The following OPTN variants were observed in gnomAD, a reference collection of about 807,000 sequenced individuals.
OPTN encodes the protein optineurin, also known as E3-14.7K-interacting protein.
Under a neutral mutation model 70.4 loss-of-function variants are expected in OPTN, and 54 were observed. The observed-to-expected ratio is 0.77, with a 90% CI of 0.62 to 0.96. The LOEUF is 0.96. Among genes scored for constraint, OPTN ranks in the 40% least tolerant of loss-of-function variants. The pLI is 0.00. For synonymous variants in OPTN, 256 were observed against 248.5 expected, an observed-to-expected ratio of 1.03 and a Z score of -0.28; for missense variants, 624 against 673.2, an observed-to-expected ratio of 0.93 and a Z score of 0.81.
intron 12 of OPTN, among the ~76,000 whole-genome samples, chr10:13,128,502 CTTTTTTT>C (rs56147136): frequency 2.0e-3 from 66 of 33,434 alleles, no homozygotes; most frequent in African/African-American, 9.9e-3. Flanking sequence ...TCAAGCCTGC[CTTTTTTT>C]TTTTTTTTTT....
rs1833406905 is a variant in OPTN, at chr10:13,123,992, T to C, written c.883-3T>C. 1.9e-6 allele frequency: 3 copies of C among 1,605,098 alleles called. No homozygotes were observed. On this transcript the variant is annotated splice_region_variant and splice_polypyrimidine_tract_variant and intron_variant, in intron 8 of 14. Transcript: ENST00000378747. ...GATATGTTTGGGATTTCCCGTATGA[T>C]AGGTTGGAAGCGAAGTGGAAGCACT... is the stretch of plus-strand genomic sequence containing the variant.
chr10:13,116,973 G>A (rs572483723), intron 6 of OPTN, among the ~76,000 whole-genome samples: 4 of 151,924 alleles, frequency 2.6e-5, no homozygotes, highest in Non-Finnish European at 4.4e-5. Flanking sequence ...CTTGACTCTC[G>A]CAAAGCAGTG....
chr10:13,126,256 T>C (rs551051904), intron 11 of OPTN, among the ~76,000 whole-genome samples: 3 of 151,910 alleles, frequency 2.0e-5, no homozygotes, highest in South Asian at 2.1e-4. Context: ...GAATGTCCTA[T>C]GGTCAGGGAT....
chr10:13,109,500 A>G (rs1832946606), intron 3 of OPTN: 1 of 565,266 alleles, frequency 1.8e-6, no homozygotes, highest in Non-Finnish European at 3.2e-6. Context: ...GTGTATCTCA[A>G]GGAAGTAGCA....
Position 13,127,898 on chromosome 10 carries a change from G to C in OPTN, c.1396G>C (p.Ala466Pro). 6.2e-7 allele frequency: 1 copy of C among 1,614,138 alleles called. No individual in the cohort carries two copies. The highest frequency in any genetic ancestry group is 8.5e-7 in the Non-Finnish European group (1 of 1,180,024). The change falls in exon 12 of 15, where the codon GCT becomes CCT. Residue 466 changes from alanine to proline, a missense_variant. Coordinates refer to ENST00000378747, the MANE Select transcript of OPTN (RefSeq NM_001008212.2). ...CCTGGAAACCATGACCATCCTCAGG[G>C]CTCAGGTGAGGCACCTTCCAAAACC... ...EDLETMTILRAQMEVYCSDFH... is the reference protein window; with the variant it reads ...EDLETMTILRPQMEVYCSDFH...
chr10:13,127,941 G>A, intron 12 of OPTN, 38 bp downstream of exon 12: 2 of 1,608,360 alleles, frequency 1.2e-6, no homozygotes, highest in South Asian at 1.1e-5. Flanking sequence ...AGCGAGGCCA[G>A]CCCTGACTGT....
At chr10:13,132,238 A>G in intron 13 of OPTN, 41 bp downstream of exon 13, 1 of 1,606,424 alleles carries the variant, frequency 6.2e-7, no homozygotes, top group Non-Finnish European at 8.5e-7. Context: ...TCACATCAGC[A>G]TGGCCGTAGA....
At chr10:13,102,251 C>T (rs113259598) in intron 1 of OPTN, among the ~76,000 whole-genome samples, 3 of 152,266 alleles carry the variant, frequency 2.0e-5, no homozygotes, top group African/African-American at 7.2e-5. Context: ...GCCTTGGGTA[C>T]GAGTGTTTTG....
intron 5 of OPTN, among the ~76,000 whole-genome samples, chr10:13,113,410 G>T (rs1833052292): frequency 6.6e-6 from 1 of 152,208 alleles, no homozygotes; most frequent in African/African-American, 2.4e-5. Flanking sequence ...GAGCAGAACT[G>T]CTCTGGTTGT....
chr10:13,126,277 G>A (rs148231299), intron 11 of OPTN, among the ~76,000 whole-genome samples: 40 of 145,224 alleles, frequency 2.8e-4, no homozygotes, highest in Non-Finnish European at 5.4e-4. Context: ...TAAGCACTTC[G>A]TATTTCTTTT....
Position 13,124,106 on chromosome 10 carries a change from G to C in OPTN, c.994G>C (p.Glu332Gln), listed in dbSNP as rs894450582. The change falls in exon 9 of 15, where the codon GAA becomes CAA. Residue 332 changes from glutamate to glutamine, a missense_variant. By Grantham distance (29) the Glu-to-Gln change is conservative. Coordinates refer to ENST00000378747, the MANE Select transcript of OPTN (RefSeq NM_001008212.2). ...EAELMKKRLQ[E>Q]KCQALERKNS... ...TGAGCTAATGAAGAAGAGACTTCAA[G>C]AAAAGTAAGAATGAGAGAGCAATTT... 5 of 1,581,234 alleles carry C rather than the reference G, an allele frequency of 3.2e-6. No individual in the cohort carries two copies. Among genetic ancestry groups the C allele is most frequent in the Non-Finnish European group, 4.3e-6 (5 of 1,151,338 alleles).
At chr10:13,107,435 G>A (rs1437959899) in intron 1 of OPTN, among the ~76,000 whole-genome samples, 4 of 141,944 alleles carry the variant, frequency 2.8e-5, no homozygotes, top group Non-Finnish European at 6.1e-5. Context: ...CTGGAGTGCA[G>A]TGGCACGATC....
intron 13 of OPTN, 88 bp downstream of exon 13, chr10:13,132,285 A>G (rs1037261345): frequency 6.6e-7 from 1 of 1,508,316 alleles, no homozygotes; most frequent in Admixed American, 1.7e-5. Context: ...GATTTGAACT[A>G]TAAGAATAGC....
In OPTN at chr10:13,117,297, G is replaced by A. The variant is rs543795591; in HGVS notation, c.626+957G>A. Among the ~76,000 whole-genome samples the A allele has an allele frequency of 3.2e-4, 48 of 151,728 alleles. No homozygotes were observed. The South Asian group carries it at 9.6e-3, about 30-fold the overall frequency. On this transcript the variant is annotated intron_variant, in intron 6 of 14. Transcript: ENST00000378747. ...GGGTTTCACCGTGTTAGCCAGGATG[G>A]TCTCGATCTCCTGACCTCGTGATCT... is the stretch of plus-strand genomic sequence containing the variant.
chr10:13,119,809 T>G (rs1013400951), intron 7 of OPTN, among the ~76,000 whole-genome samples: 2 of 152,214 alleles, frequency 1.3e-5, no homozygotes, highest in East Asian at 1.9e-4. Flanking sequence ...ACAGCGATGT[T>G]GAGCATCTTT....
Position 13,137,184 on chromosome 10 carries a change from CAGG to C in OPTN, c.*321_*323del. 1 of 425,424 alleles carries C rather than the reference CAGG, an allele frequency of 2.4e-6. No individual in the cohort carries two copies. The highest frequency in any genetic ancestry group is 2.1e-5 in the South Asian group (1 of 46,528). 26.4% of individuals were successfully genotyped at this position (425,424 alleles called of 1,614,324 possible). A position where few individuals can be genotyped will look rare whatever the true frequency, so the allele number is the denominator to read the frequency against. ...GTCGCAGCTACTCGCGAGGTTGAGG[CAGG>C]AGAATTGCTTGAACCCAGGAAGTGG... is the stretch of plus-strand genomic sequence containing the variant. On this transcript the variant is annotated 3_prime_UTR_variant, in exon 15 of 15. Transcript: ENST00000378747.
intron 8 of OPTN, among the ~76,000 whole-genome samples, 180 bp from the exon 9 acceptor site, chr10:13,123,815 A>G (rs1833402814): frequency 6.6e-6 from 1 of 152,246 alleles, no homozygotes; most frequent in South Asian, 2.1e-4. Context: ...TAGCAAACCT[A>G]AGTACCAAGT....
At chr10:13,121,500 TA>T (rs200687404) in intron 7 of OPTN, among the ~76,000 whole-genome samples, 1,757 of 90,686 alleles carry the variant, frequency 0.019, 31 homozygotes, top group African/African-American at 0.075. Flanking sequence ...GATTATCCTG[TA>T]AAAAAAAAAA....
At chr10:13,132,334 C>A in intron 13 of OPTN, 137 bp downstream of exon 13, 2 of 760,908 alleles carry the variant, frequency 2.6e-6, no homozygotes, top group Non-Finnish European at 2.1e-6. Context: ...GGTGACAGAG[C>A]GAGTCCCCTG....
Sources: allele counts gnomAD v4.1 joint callset (sites outside exome capture counted in the v4.1 genomes callset), GRCh38; gene constraint gnomAD v4.1.1; transcripts MANE v1.5; gene names NCBI Gene and HGNC (gene_info 2026-07-23, HGNC 2026-07-21).